Variants in PPP1R9A observed in about 807,000 individuals in gnomAD.
PPP1R9A encodes the protein protein phosphatase 1 regulatory subunit 9A.
A neutral mutation model predicts 141.9 loss-of-function variants in PPP1R9A; 59 were observed. That is an observed-to-expected ratio of 0.42 (90% CI 0.34 to 0.52). The LOEUF is 0.52. Among genes scored for constraint, PPP1R9A ranks in the 20% least tolerant of loss-of-function variants. The probability of loss-of-function intolerance (pLI) is 0.10; values close to 1 mark genes in which losing one functional copy is unlikely to be tolerated. For missense variants in PPP1R9A, 1,444 were observed against 1,611.9 expected (o/e 0.90, Z 1.78); for synonymous variants, 500 against 569.7 (o/e 0.88, Z 1.74).
chr7:94,989,187 C>G (rs1287114700), intron 2 of PPP1R9A, among the ~76,000 whole-genome samples: 2 of 151,758 alleles, frequency 1.3e-5, no homozygotes, highest in Non-Finnish European at 2.9e-5. Flanking sequence ...GAAAAAAAAC[C>G]CCACTGACTT....
rs77380063 is a variant in PPP1R9A, at chr7:95,008,772, T to A, written c.1395+97264T>A. ...TGGTATCATGGTCACACCTACCCCA[T>A]TGAAGAATGGGAGAGAGTGGAGTTT... On this transcript the variant is annotated intron_variant, in intron 2 of 19. Transcript: ENST00000433360. Among the ~76,000 whole-genome samples the A allele has an allele frequency of 3.9e-5, 6 of 152,188 alleles. No homozygotes were observed. In the South Asian group the frequency reaches 1.2e-3, roughly 32 times the overall value.
chr7:95,147,936 G>T lies in PPP1R9A; in HGVS notation c.1650-13931G>T, dbSNP rs997414266. Among the ~76,000 whole-genome samples, 7 of 152,112 alleles carry T rather than the reference G, an allele frequency of 4.6e-5. No individual in the cohort carries two copies. In the South Asian group the frequency reaches 1.0e-3, roughly 22 times the overall value. On this transcript the variant is annotated intron_variant, in intron 4 of 19. Coordinates refer to ENST00000433360, the MANE Select transcript of PPP1R9A (RefSeq NM_001166160.2). ...AGGATTTTTGCATTGATGTTCATCA[G>T]GGATATTGGCCTGAAATTTTCTTTT... is the stretch of plus-strand genomic sequence containing the variant.
intron 2 of PPP1R9A, among the ~76,000 whole-genome samples, chr7:94,998,890 A>G (rs1802517832): frequency 6.6e-6 from 1 of 152,082 alleles, no homozygotes. Context: ...CAGCCTCCCA[A>G]GTAGCAGGGA....
chr7:94,984,496 C>T (rs570135053), intron 2 of PPP1R9A, among the ~76,000 whole-genome samples: 13 of 152,204 alleles, frequency 8.5e-5, no homozygotes, highest in Admixed American at 2.6e-4. Flanking sequence ...TTAATTATTG[C>T]CTCAATTTCA....
At chr7:95,097,460 A>T (rs910690628) in intron 2 of PPP1R9A, among the ~76,000 whole-genome samples, 9 of 152,230 alleles carry the variant, frequency 5.9e-5, no homozygotes, top group Admixed American at 4.6e-4. Context: ...GTCAGCATTC[A>T]CAGGCTCAGT....
intron 4 of PPP1R9A, among the ~76,000 whole-genome samples, chr7:95,138,528 C>G (rs1415101215): frequency 2.0e-5 from 3 of 152,206 alleles, no homozygotes; most frequent in East Asian, 3.9e-4. Flanking sequence ...AGAAATTGAA[C>G]TTCATTATAT....
intron 2 of PPP1R9A, among the ~76,000 whole-genome samples, chr7:94,966,358 A>G (rs1055201378): frequency 6.6e-5 from 10 of 152,136 alleles, no homozygotes; most frequent in African/African-American, 1.2e-4. Flanking sequence ...ACTGTGTTGA[A>G]TAGGAGTGGT....
chr7:94,963,154 A>G (rs1797822927), intron 2 of PPP1R9A, among the ~76,000 whole-genome samples: 1 of 152,134 alleles, frequency 6.6e-6, no homozygotes, highest in Non-Finnish European at 1.5e-5. Context: ...AAATATATTT[A>G]ATATGGAAAC....
rs150170045 is a variant in PPP1R9A at position 95,174,563 on chromosome 7, C to T, written c.1754+12592C>T. On this transcript the variant is annotated intron_variant, in intron 5 of 19. Coordinates refer to ENST00000433360, the MANE Select transcript of PPP1R9A (RefSeq NM_001166160.2). ...TTTTAAAATGTGAGATAATAGCTAT[C>T]GTTAACTTAAAAAGCACCATACGAA... is the stretch of plus-strand genomic sequence containing the variant. 7.6e-3 allele frequency among the ~76,000 whole-genome samples: 1,155 copies of T among 152,112 alleles called. 28 individuals are homozygous for T. Among genetic ancestry groups the T allele is most frequent in the Admixed American group, 0.041 (623 of 15,258 alleles).
intron 4 of PPP1R9A, among the ~76,000 whole-genome samples, chr7:95,144,783 A>G (rs1011854152): frequency 1.1e-4 from 17 of 152,208 alleles, no homozygotes; most frequent in Non-Finnish European, 2.2e-4. Context: ...GAAGGGAAGA[A>G]GGTAAACTAT....
rs2152521504 is a variant in PPP1R9A, at chr7:95,130,048, A to C, written c.1649+9216A>C. ...ATTCAAATCAGCTGCAGAAATTTGC[A>C]CAAGTAATAAGTAGCTGAGTGTTAA... On this transcript the variant is annotated intron_variant, in intron 4 of 19. Transcript: ENST00000433360. 2.0e-5 allele frequency among the ~76,000 whole-genome samples: 3 copies of C among 152,348 alleles called. No homozygotes were observed. The South Asian group carries it at 6.2e-4, about 32-fold the overall frequency.
intron 2 of PPP1R9A, among the ~76,000 whole-genome samples, chr7:94,975,562 A>G (rs139723258): frequency 1.3e-3 from 201 of 152,004 alleles, no homozygotes; most frequent in African/African-American, 4.7e-3. Context: ...TCAGAAGTTT[A>G]TGTGTAAGAC....
intron 2 of PPP1R9A, among the ~76,000 whole-genome samples, chr7:94,996,128 A>G (rs1802137850): frequency 6.6e-6 from 1 of 152,120 alleles, no homozygotes; most frequent in Non-Finnish European, 1.5e-5. Flanking sequence ...ATCTTGGGGA[A>G]AAAAATGTAC....
chr7:95,128,341 C>T (rs1823944962), intron 4 of PPP1R9A, among the ~76,000 whole-genome samples: 1 of 152,092 alleles, frequency 6.6e-6, no homozygotes, highest in African/African-American at 2.4e-5. Flanking sequence ...ATGTCTTTTG[C>T]CCATTTTTAA....
At chr7:95,287,798 G>A (rs971193780) in intron 18 of PPP1R9A, among the ~76,000 whole-genome samples, 1 of 152,128 alleles carries the variant, frequency 6.6e-6, no homozygotes, top group Non-Finnish European at 1.5e-5. Flanking sequence ...CGATTCTCCT[G>A]CCTCAGCCTC....
At chr7:95,227,409 C>A (rs1402328547) in intron 8 of PPP1R9A, among the ~76,000 whole-genome samples, 2 of 152,138 alleles carry the variant, frequency 1.3e-5, no homozygotes, top group Non-Finnish European at 2.9e-5. Flanking sequence ...AAAGTTATAT[C>A]TTCCATTTTC....
At position 95,172,655 on chromosome 7, in the gene PPP1R9A, A is replaced by C. The variant is rs1241731400; in HGVS notation, c.1754+10684A>C. On this transcript the variant is annotated intron_variant, in intron 5 of 19. Coordinates refer to ENST00000433360, the MANE Select transcript of PPP1R9A (RefSeq NM_001166160.2). ...AGACAATTTAAATGAGGGAAGAAGTAGACCATGTTCAATGTATTATAATAT... is the reference window on the plus strand; with the variant it reads ...AGACAATTTAAATGAGGGAAGAAGTCGACCATGTTCAATGTATTATAATAT... 2.0e-5 allele frequency among the ~76,000 whole-genome samples: 3 copies of C among 151,904 alleles called. No individual in the cohort carries two copies. The East Asian group carries it at 5.8e-4, about 29-fold the overall frequency.
At chr7:95,231,011 A>G (rs1176026194) in intron 8 of PPP1R9A, among the ~76,000 whole-genome samples, 2 of 152,186 alleles carry the variant, frequency 1.3e-5, no homozygotes, top group Non-Finnish European at 2.9e-5. Flanking sequence ...TCTTCAGGAA[A>G]CTCACCTAAC....
At chr7:95,252,268 G>T in intron 12 of PPP1R9A, 138 bp downstream of exon 12, 1 of 933,974 alleles carries the variant, frequency 1.1e-6, no homozygotes, top group Non-Finnish European at 1.5e-6. Context: ...TATCAAAATA[G>T]GAGTCAATCA....
Sources: allele counts gnomAD v4.1 joint callset (sites outside exome capture counted in the v4.1 genomes callset), GRCh38; gene constraint gnomAD v4.1.1; transcripts MANE v1.5; gene names NCBI Gene and HGNC (gene_info 2026-07-23, HGNC 2026-07-21).